Variants in STK3 observed in about 807,000 individuals in gnomAD.
STK3 encodes the protein serine/threonine-protein kinase 3.
STK3 carries 41 observed loss-of-function variants against 58.0 expected under a neutral mutation model. The observed-to-expected ratio is 0.71, with a 90% CI of 0.55 to 0.92. STK3 has a LOEUF of 0.92. STK3 is among the 40% of genes least tolerant of loss of function. The pLI is 0.00. For synonymous variants in STK3, 170 were observed against 191.0 expected, an observed-to-expected ratio of 0.89 and a Z score of 0.91; for missense variants, 479 against 602.7, an observed-to-expected ratio of 0.79 and a Z score of 2.15.
At chr8:98,785,444 G>C (rs976964550) in intron 1 of STK3, among the ~76,000 whole-genome samples, 2 of 152,184 alleles carry the variant, frequency 1.3e-5, no homozygotes, top group African/African-American at 4.8e-5. Flanking sequence ...GTACACCTCT[G>C]GGTGCTTGGT....
chr8:98,884,917 G>T (rs1357244049), intron 1 of STK3, among the ~76,000 whole-genome samples: 3 of 152,294 alleles, frequency 2.0e-5, no homozygotes, highest in Non-Finnish European at 2.9e-5. Flanking sequence ...TTATGATGCT[G>T]GGAACCATTG....
intron 6 of STK3, among the ~76,000 whole-genome samples, chr8:98,696,046 G>C (rs1824887133): frequency 1.3e-5 from 2 of 152,042 alleles, no homozygotes; most frequent in South Asian, 4.2e-4. Context: ...TCATTGAGCA[G>C]TGGTTTGTAG....
At chr8:98,503,391 C>G (rs1586724901) in intron 10 of STK3, among the ~76,000 whole-genome samples, 1 of 152,088 alleles carries the variant, frequency 6.6e-6, no homozygotes, top group Non-Finnish European at 1.5e-5. Flanking sequence ...TTTTTTGTGT[C>G]TCTATCTCCT....
downstream of STK3, among the ~76,000 whole-genome samples, chr8:98,400,965 G>A (rs1055979241): frequency 6.6e-6 from 1 of 152,064 alleles, no homozygotes; most frequent in Non-Finnish European, 1.5e-5. Flanking sequence ...GATGGCGGCT[G>A]TGTCATCTCT....
intron 10 of STK3, among the ~76,000 whole-genome samples, chr8:98,482,840 G>C (rs1286037677): frequency 1.3e-5 from 2 of 151,970 alleles, no homozygotes; most frequent in East Asian, 3.9e-4. Context: ...ATTACAAATA[G>C]GTATTTCTCG....
chr8:98,617,292 C>T (rs1245030355), intron 6 of STK3, among the ~76,000 whole-genome samples: 2 of 142,138 alleles, frequency 1.4e-5, no homozygotes, highest in Non-Finnish European at 3.1e-5. Flanking sequence ...ATACCAGAAT[C>T]TCTGGGACGC....
In STK3 at chr8:98,455,876, ATC is replaced by A; in HGVS notation, c.1440_1441del (p.Met481GlyfsTer38). The A allele has an allele frequency of 6.2e-7, 1 of 1,613,768 alleles. No individual in the cohort carries two copies. The highest frequency in any genetic ancestry group is 1.1e-5 in the South Asian group (1 of 91,044). Reference sequence around the variant, plus strand: ...TTGCTGCCTTCTTTTCTTTGCATCCATCGCATCCAGAATGGGCTGTCTTTTCG... The same window carrying A: ...TTGCTGCCTTCTTTTCTTTGCATCCAGCATCCAGAATGGGCTGTCTTTTCG... On this transcript the variant is annotated frameshift_variant, in exon 11 of 11. Transcript: ENST00000419617. LOFTEE classifies it high-confidence loss of function.
chr8:98,421,438 G>T (rs1332362641), intron 3 of STK3, among the ~76,000 whole-genome samples: 7 of 152,140 alleles, frequency 4.6e-5, no homozygotes, highest in Non-Finnish European at 4.4e-5. Flanking sequence ...CATTTCCTTT[G>T]TGGTGACTCT....
At chr8:98,648,042 C>G (rs1820539958) in intron 6 of STK3, among the ~76,000 whole-genome samples, 1 of 152,140 alleles carries the variant, frequency 6.6e-6, no homozygotes, top group Non-Finnish European at 1.5e-5. Flanking sequence ...TCCATCCCTC[C>G]TACTTTCCCA....
intron 6 of STK3, among the ~76,000 whole-genome samples, chr8:98,690,686 G>A (rs1285868585): frequency 6.6e-6 from 1 of 152,000 alleles, no homozygotes; most frequent in African/African-American, 2.4e-5. Flanking sequence ...CACAGAATTA[G>A]AAAAAAACTA....
chr8:98,499,134 A>G (rs768874928), intron 10 of STK3, among the ~76,000 whole-genome samples: 5 of 152,164 alleles, frequency 3.3e-5, no homozygotes, highest in Non-Finnish European at 5.9e-5. Flanking sequence ...GCTGGCTTTG[A>G]AAATGGAGAA....
chr8:98,801,897 AAC>A (rs1833577299), intron 1 of STK3, among the ~76,000 whole-genome samples: 2 of 152,210 alleles, frequency 1.3e-5, no homozygotes, highest in Non-Finnish European at 2.9e-5. Flanking sequence ...TCCAGCCAGA[AAC>A]AGTGGCTCAT....
chr8:98,476,764 C>T (rs548258862), intron 10 of STK3, among the ~76,000 whole-genome samples: 2 of 152,300 alleles, frequency 1.3e-5, no homozygotes, highest in Admixed American at 1.3e-4. Context: ...ATTATTTTTA[C>T]ACAGTCAACT....
chr8:98,475,168 G>A (rs1277335842), intron 10 of STK3, among the ~76,000 whole-genome samples: 1 of 152,050 alleles, frequency 6.6e-6, no homozygotes, highest in East Asian at 1.9e-4. Flanking sequence ...CAATTCATTG[G>A]CTAGCACAAT....
intron 2 of STK3, among the ~76,000 whole-genome samples, chr8:98,772,786 C>A (rs1011664686): frequency 6.6e-6 from 1 of 152,156 alleles, no homozygotes; most frequent in Non-Finnish European, 1.5e-5. Context: ...GACATCTGCT[C>A]CCCCTTTGCC....
intron 3 of STK3, among the ~76,000 whole-genome samples, chr8:98,433,791 AGAC>A (rs1472448896): frequency 6.6e-6 from 1 of 152,240 alleles, no homozygotes; most frequent in East Asian, 1.9e-4. Context: ...CAGCTACAAT[AGAC>A]GACAGTTGCA....
At chr8:98,917,433 C>T (rs1839384552) in intron 1 of STK3, among the ~76,000 whole-genome samples, 1 of 152,040 alleles carries the variant, frequency 6.6e-6, no homozygotes, top group Non-Finnish European at 1.5e-5. Context: ...GTTTGTGACC[C>T]CCAAAAATTC....
intron 6 of STK3, among the ~76,000 whole-genome samples, chr8:98,684,182 C>G (rs1372110365): frequency 1.3e-5 from 2 of 152,122 alleles, no homozygotes; most frequent in African/African-American, 4.8e-5. Context: ...AAATGTATCA[C>G]AGTCCTAATA....
chr8:98,375,264 A>ATT (rs892960834), intron 2 of STK3, among the ~76,000 whole-genome samples: 1 of 139,992 alleles, frequency 7.1e-6, no homozygotes. Context: ...CCAAAACAAA[A>ATT]AAAAAACAAA....
Sources: allele counts gnomAD v4.1 joint callset (sites outside exome capture counted in the v4.1 genomes callset), GRCh38; gene constraint gnomAD v4.1.1; transcripts MANE v1.5; gene names NCBI Gene and HGNC (gene_info 2026-07-23, HGNC 2026-07-21).